Variants in PTPRC observed in about 807,000 individuals in gnomAD.
PTPRC encodes receptor-type tyrosine-protein phosphatase C.
A neutral mutation model predicts 155.9 loss-of-function variants in PTPRC; 44 were observed. That is an observed-to-expected ratio of 0.28 (90% CI 0.22 to 0.36). The LOEUF (loss-of-function observed/expected upper bound fraction) is 0.36. PTPRC is among the 10% of genes least tolerant of loss of function. The pLI is 1.00. For missense variants in PTPRC, 1,401 were observed against 1,564.6 expected, an observed-to-expected ratio of 0.90 and a Z score of 1.76; for synonymous variants, 525 against 533.1, an observed-to-expected ratio of 0.98 and a Z score of 0.21.
intron 5 of PTPRC, 79 bp downstream of exon 5, chr1:198,699,783 C>G: frequency 6.4e-7 from 1 of 1,571,840 alleles, no homozygotes; most frequent in South Asian, 1.1e-5. Context: ...GTGAGGAAAT[C>G]TAACCACTTA....
At chr1:198,685,473 C>G (rs1182227956) in intron 2 of PTPRC, among the ~76,000 whole-genome samples, 3 of 151,840 alleles carry the variant, frequency 2.0e-5, no homozygotes, top group Non-Finnish European at 4.4e-5. Flanking sequence ...TACTGATAAG[C>G]TAATGGAGGG....
At chr1:198,688,820 T>C (rs2102357046) in intron 2 of PTPRC, among the ~76,000 whole-genome samples, 1 of 152,256 alleles carries the variant, frequency 6.6e-6, no homozygotes, top group South Asian at 2.1e-4. Flanking sequence ...TAAGGACAAG[T>C]TGATGGGAAA....
At chr1:198,731,590 A>G (rs1277113583) in intron 17 of PTPRC, 27 bp from the exon 18 acceptor site, 1 of 1,501,320 alleles carries the variant, frequency 6.7e-7, no homozygotes, top group Non-Finnish European at 9.3e-7. Context: ...ACATGTAACT[A>G]GTATTGAATC....
intron 2 of PTPRC, among the ~76,000 whole-genome samples, chr1:198,670,413 A>G (rs569141066): frequency 6.6e-6 from 1 of 152,302 alleles, no homozygotes; most frequent in East Asian, 1.9e-4. Flanking sequence ...GATGAAATAC[A>G]TAGAAAAAGG....
At chr1:198,687,089 T>G (rs1665667726) in intron 2 of PTPRC, among the ~76,000 whole-genome samples, 1 of 152,190 alleles carries the variant, frequency 6.6e-6, no homozygotes, top group Non-Finnish European at 1.5e-5. Flanking sequence ...CACTACAGCC[T>G]CAACACACAC....
At chr1:198,749,336 T>A (rs1655275808) in intron 27 of PTPRC, 80 bp from the exon 28 acceptor site, 1 of 1,387,226 alleles carries the variant, frequency 7.2e-7, no homozygotes, top group African/African-American at 1.4e-5. Flanking sequence ...CCTTTTTAAA[T>A]ACTTTCAAAT....
chr1:198,755,038 C>T (rs780768406), intron 32 of PTPRC, among the ~76,000 whole-genome samples: 15 of 152,092 alleles, frequency 9.9e-5, no homozygotes, highest in Non-Finnish European at 1.5e-4. Context: ...GGAAAGAAGA[C>T]TTGTGTGAGA....
intron 2 of PTPRC, among the ~76,000 whole-genome samples, chr1:198,691,485 T>C (rs1665922005): frequency 6.6e-6 from 1 of 152,108 alleles, no homozygotes; most frequent in African/African-American, 2.4e-5. Flanking sequence ...TTTTGGGGTA[T>C]ACTCTTCCTA....
Position 198,639,089 on chromosome 1 carries a change from G to A in PTPRC, c.-92G>A. ...CAGCTAGCAAGTGGTTTGTTCTTAG[G>A]GTAACAGAGGAGGAAATTGTTCCTC... is the stretch of plus-strand genomic sequence containing the variant. On this transcript the variant is annotated 5_prime_UTR_variant, in exon 1 of 33. Coordinates refer to ENST00000442510, the MANE Select transcript of PTPRC (RefSeq NM_002838.5). The A allele has an allele frequency of 1.6e-6, 1 of 627,964 alleles. No individual in the cohort carries two copies. The highest frequency in any genetic ancestry group is 1.8e-5 in the South Asian group (1 of 55,522). The allele number at this position is 627,964 out of a possible 1,614,324, so 38.9% of individuals were successfully genotyped here.
chr1:198,716,655 C>T (rs751572556), intron 12 of PTPRC, 27 bp from the exon 13 acceptor site: 1 of 1,604,842 alleles, frequency 6.2e-7, no homozygotes, highest in Non-Finnish European at 8.5e-7. Flanking sequence ...TAACGACTTA[C>T]TAATTTTTTT....
intron 16 of PTPRC, 149 bp from the exon 17 acceptor site, chr1:198,728,988 C>A: frequency 1.2e-6 from 1 of 825,914 alleles, no homozygotes; most frequent in Non-Finnish European, 1.8e-6. Flanking sequence ...CCCTTCCCTC[C>A]TTTCCTCTTC....
chr1:198,659,805 G>T (rs1437311400), intron 2 of PTPRC, among the ~76,000 whole-genome samples: 1 of 151,742 alleles, frequency 6.6e-6, no homozygotes, highest in South Asian at 2.1e-4. Flanking sequence ...GCCTCCCAAA[G>T]TATTGGGATT....
At chr1:198,679,565 G>T in intron 2 of PTPRC, 1 of 182,404 alleles carries the variant, frequency 5.5e-6, no homozygotes. Context: ...ACCTTGCCCG[G>T]CCAAGCTCGA....
chr1:198,756,014 G>C lies in PTPRC; in HGVS notation c.3754G>C (p.Val1252Leu). 6.2e-7 allele frequency: 1 copy of C among 1,613,424 alleles called. No homozygotes were observed. The highest frequency in any genetic ancestry group is 8.5e-7 in the Non-Finnish European group (1 of 1,179,616). Residue 1252 changes from valine (V) to leucine (L), a missense_variant, in exon 33 of 33, where the codon GTG becomes CTG. Transcript: ENST00000442510. ...QEDKIEFDNE[V>L]DKVKQDANCV... ...AGATAAAATTGAATTTGATAATGAAGTGGACAAAGTAAAGCAGGATGCTAA... is the reference window on the plus strand; with the variant it reads ...AGATAAAATTGAATTTGATAATGAACTGGACAAAGTAAAGCAGGATGCTAA...
chr1:198,667,055 C>G (rs1342645463), intron 2 of PTPRC: 1 of 152,184 alleles, frequency 6.6e-6, no homozygotes, highest in Non-Finnish European at 1.5e-5. Flanking sequence ...TCTTCATGCT[C>G]AGCATCTCCT....
intron 23 of PTPRC, among the ~76,000 whole-genome samples, chr1:198,736,845 G>A (rs758443393): frequency 1.3e-5 from 2 of 151,652 alleles, no homozygotes; most frequent in African/African-American, 4.8e-5. Context: ...ATCCTTGCAA[G>A]CATTCATTCT....
chr1:198,668,143 A>T (rs1274864022), intron 2 of PTPRC, among the ~76,000 whole-genome samples: 1 of 152,230 alleles, frequency 6.6e-6, no homozygotes, highest in Non-Finnish European at 1.5e-5. Flanking sequence ...AAAGCCAGCC[A>T]TATGGCTATC....
At chr1:198,755,358 T>TATGA (rs1236683099) in intron 32 of PTPRC, among the ~76,000 whole-genome samples, 1 of 152,010 alleles carries the variant, frequency 6.6e-6, no homozygotes, top group Middle Eastern at 3.4e-3. Flanking sequence ...TTTAATCATG[T>TATGA]ATGATATTGA....
chr1:198,681,891 G>A (rs948019371), intron 2 of PTPRC, among the ~76,000 whole-genome samples: 5 of 152,104 alleles, frequency 3.3e-5, no homozygotes, highest in Non-Finnish European at 5.9e-5. Context: ...GTATAGTCAG[G>A]CAGCTTCAAC....
Sources: allele counts gnomAD v4.1 joint callset (sites outside exome capture counted in the v4.1 genomes callset), GRCh38; gene constraint gnomAD v4.1.1; transcripts MANE v1.5; gene names NCBI Gene and HGNC (gene_info 2026-07-23, HGNC 2026-07-21).